Variants in FOXP4 observed in about 807,000 individuals in gnomAD.
FOXP4 encodes the protein forkhead box P4.
In FOXP4, 25 loss-of-function variants were observed where a neutral mutation model predicts 82.6. The ratio of observed to expected loss-of-function variants is 0.30; its 90% CI spans 0.22 to 0.42. The LOEUF is 0.42. Ranked by LOEUF, FOXP4 falls within the 10% of genes least tolerant of loss-of-function variation. FOXP4 has a pLI of 1.00. For missense variants in FOXP4, 785 were observed against 900.9 expected, an observed-to-expected ratio of 0.87 and a Z score of 1.65; for synonymous variants, 415 against 388.2, an observed-to-expected ratio of 1.07 and a Z score of -0.81.
At chr6:41,568,961 G>A (rs1765032300) in intron 2 of FOXP4, among the ~76,000 whole-genome samples, 1 of 152,236 alleles carries the variant, frequency 6.6e-6, no homozygotes, top group Admixed American at 6.5e-5. Flanking sequence ...TGTTTAAACA[G>A]AGGCTGGGGG....
At position 41,582,840 on chromosome 6, in the gene FOXP4, C is replaced by T. The variant is rs572305387; in HGVS notation, c.301-1929C>T. On this transcript the variant is annotated intron_variant, in intron 3 of 16. Transcript: ENST00000307972. Reference sequence around the variant, plus strand: ...CTCATCAGCCCCCTCAGCCTCCGGACGTCCCACCTCCACATTCTCTCCCTA... The same window carrying T: ...CTCATCAGCCCCCTCAGCCTCCGGATGTCCCACCTCCACATTCTCTCCCTA... Among the ~76,000 whole-genome samples, 10 of 152,228 alleles carry T rather than the reference C, an allele frequency of 6.6e-5. No individual in the cohort carries two copies. The East Asian group carries it at 7.7e-4, about 12-fold the overall frequency.
At chr6:41,586,893 C>T (rs1355250535) in intron 5 of FOXP4, 116 bp from the exon 6 acceptor site, 14 of 1,433,050 alleles carry the variant, frequency 9.8e-6, no homozygotes, top group African/African-American at 1.4e-5. Flanking sequence ...GACGCCACAA[C>T]GACAGCTCCA....
chr6:41,576,408 T>G (rs1045929075), intron 2 of FOXP4, among the ~76,000 whole-genome samples: 2 of 152,152 alleles, frequency 1.3e-5, no homozygotes, highest in Admixed American at 1.3e-4. Context: ...CAGTGGTCAC[T>G]CTCTTTGCTT....
chr6:41,566,058 C>T (rs1385101335), intron 2 of FOXP4, 94 bp downstream of exon 2: 1 of 1,322,976 alleles, frequency 7.6e-7, no homozygotes, highest in East Asian at 2.5e-5. Context: ...CCACTCCCTG[C>T]CAGGCAGCCT....
chr6:41,581,022 A>G (rs1304975863), intron 3 of FOXP4, among the ~76,000 whole-genome samples: 1 of 152,246 alleles, frequency 6.6e-6, no homozygotes, highest in Non-Finnish European at 1.5e-5. Flanking sequence ...AAGGCAGCAC[A>G]GGTGGCCGAG....
intron 2 of FOXP4, among the ~76,000 whole-genome samples, chr6:41,574,068 A>C (rs953329221): frequency 9.9e-5 from 15 of 151,896 alleles, no homozygotes; most frequent in Non-Finnish European, 1.8e-4. Context: ...GTATCTGAAC[A>C]CCTTTCTCAC....
At chr6:41,590,511 A>C (rs1766449500) in intron 12 of FOXP4, among the ~76,000 whole-genome samples, 164 bp downstream of exon 12, 2 of 152,256 alleles carry the variant, frequency 1.3e-5, no homozygotes, top group South Asian at 4.1e-4. Context: ...GCTCTCCTGC[A>C]GGCTGGGCCC....
intron 4 of FOXP4, 143 bp downstream of exon 4, chr6:41,585,034 GT>G: frequency 8.2e-7 from 1 of 1,216,130 alleles, no homozygotes; most frequent in Non-Finnish European, 1.1e-6. Flanking sequence ...TTCCTCTAGG[GT>G]AGTGGGGAGA....
chr6:41,589,712 A>G, intron 9 of FOXP4, 59 bp from the exon 10 acceptor site: 7 of 1,545,212 alleles, frequency 4.5e-6, no homozygotes, highest in Non-Finnish European at 6.2e-6. Flanking sequence ...GAGGGGTGGG[A>G]CAACACTGCC....
At chr6:41,579,593 G>T (rs976795517) in intron 3 of FOXP4, among the ~76,000 whole-genome samples, 1 of 152,132 alleles carries the variant, frequency 6.6e-6, no homozygotes, top group Non-Finnish European at 1.5e-5. Context: ...TGCTCAGCTG[G>T]GGATTAAGGG....
At chr6:41,580,169 G>A (rs908840852) in intron 3 of FOXP4, among the ~76,000 whole-genome samples, 2 of 151,566 alleles carry the variant, frequency 1.3e-5, no homozygotes, top group African/African-American at 4.9e-5. Context: ...AGTCTCCCAA[G>A]TAGCTGGGAT....
rs142145093 is a variant in FOXP4 at position 41,555,419 on chromosome 6, C to A, written c.-17+8552C>A. Among the ~76,000 whole-genome samples the A allele has an allele frequency of 2.0e-5, 3 of 152,312 alleles. No individual in the cohort carries two copies. In the East Asian group the frequency reaches 5.8e-4, roughly 29 times the overall value. ...TCTATGATAAAGTCATCACTTGCCC[C>A]CTACATCTGAGGAAATGAAGGGAGG... On this transcript the variant is annotated intron_variant, in intron 1 of 16. Transcript: ENST00000307972.
At chr6:41,560,574 T>C (rs1159937908) in intron 1 of FOXP4, among the ~76,000 whole-genome samples, 1 of 152,116 alleles carries the variant, frequency 6.6e-6, no homozygotes, top group African/African-American at 2.4e-5. Context: ...AGGAGCGCGC[T>C]GGGGGCTGCC....
At chr6:41,553,769 T>G (rs1455088174) in intron 1 of FOXP4, among the ~76,000 whole-genome samples, 1 of 152,186 alleles carries the variant, frequency 6.6e-6, no homozygotes, top group African/African-American at 2.4e-5. Flanking sequence ...TAGGGACCTT[T>G]TAACCCTCAG....
intron 1 of FOXP4, among the ~76,000 whole-genome samples, chr6:41,562,359 G>A (rs1056544607): frequency 3.9e-5 from 6 of 152,118 alleles, no homozygotes; most frequent in Non-Finnish European, 7.4e-5. Context: ...CTTTTCAAAT[G>A]CATATAATCT....
intron 9 of FOXP4, among the ~76,000 whole-genome samples, chr6:41,589,379 A>T (rs745548): frequency 6.6e-6 from 1 of 152,134 alleles, no homozygotes; most frequent in African/African-American, 2.4e-5. Flanking sequence ...GCCATTCATC[A>T]GTTCCTGCAT....
At chr6:41,557,447 T>G (rs1235784262) in intron 1 of FOXP4, among the ~76,000 whole-genome samples, 2 of 152,234 alleles carry the variant, frequency 1.3e-5, no homozygotes, top group Non-Finnish European at 2.9e-5. Flanking sequence ...GAGTATCCTG[T>G]TCCCATTTAC....
At chr6:41,574,679 C>T (rs4714486) in intron 2 of FOXP4, among the ~76,000 whole-genome samples, 53,211 of 151,974 alleles carry the variant, frequency 0.35, 9,909 homozygotes, top group African/African-American at 0.48. Context: ...GAGTTAGGAC[C>T]CATTATTTCC....
At chr6:41,553,230 C>T (rs1197956980) in intron 1 of FOXP4, among the ~76,000 whole-genome samples, 1 of 152,238 alleles carries the variant, frequency 6.6e-6, no homozygotes, top group East Asian at 1.9e-4. Context: ...CCCTCCCACC[C>T]GATCCCCATC....
Sources: allele counts gnomAD v4.1 joint callset (sites outside exome capture counted in the v4.1 genomes callset), GRCh38; gene constraint gnomAD v4.1.1; transcripts MANE v1.5; gene names NCBI Gene and HGNC (gene_info 2026-07-23, HGNC 2026-07-21).